Variants in RAB37 observed in about 807,000 individuals in gnomAD.
The protein encoded by RAB37 is RAB37, member RAS oncogene family.
RAB37 carries 29 observed loss-of-function variants against 33.1 expected under a neutral mutation model. That is an observed-to-expected ratio of 0.88 (90% CI 0.65 to 1.20). The LOEUF is 1.20. Ranked by LOEUF, RAB37 falls within the 50% of genes most tolerant of loss-of-function variation. The pLI is 0.00. For missense variants in RAB37, 299 were observed against 301.1 expected, an observed-to-expected ratio of 0.99 and a Z score of 0.05; for synonymous variants, 128 against 119.5, an observed-to-expected ratio of 1.07 and a Z score of -0.47.
chr17:74,741,522 G>A (rs2034615199), intron 2 of RAB37, among the ~76,000 whole-genome samples: 3 of 149,534 alleles, frequency 2.0e-5, no homozygotes. Context: ...GGTGGTGGAG[G>A]TTGCAGTGAG....
intron 1 of RAB37, among the ~76,000 whole-genome samples, chr17:74,711,625 C>A (rs1015815913): frequency 6.6e-6 from 1 of 152,180 alleles, no homozygotes; most frequent in East Asian, 1.9e-4. Flanking sequence ...CGTGCCCAGT[C>A]CAAGCTCATT....
chr17:74,737,153 G>C, upstream of RAB37: 1 of 1,574,024 alleles, frequency 6.4e-7, no homozygotes, highest in Non-Finnish European at 8.6e-7. Context: ...CGACGGGACG[G>C]AGGGAGGAGC....
At chr17:74,703,278 A>G in intron 1 of RAB37, 1 of 650,552 alleles carries the variant, frequency 1.5e-6, no homozygotes, top group Non-Finnish European at 2.6e-6. Context: ...AGCCTGGACC[A>G]CTCATGTCTC....
At chr17:74,736,503 T>A, upstream of RAB37, 1 of 1,415,234 alleles carries the variant, frequency 7.1e-7, no homozygotes, top group Non-Finnish European at 9.2e-7. Flanking sequence ...ATTTGGCTCC[T>A]CCTCGGGGCC....
At chr17:74,741,722 A>G (rs2034623287) in intron 2 of RAB37, among the ~76,000 whole-genome samples, 3 of 152,174 alleles carry the variant, frequency 2.0e-5, no homozygotes, top group South Asian at 4.1e-4. Flanking sequence ...TGAAGTGTTC[A>G]ATAGAGAAAA....
At chr17:74,740,620 C>A (rs570296937) in intron 1 of RAB37, 148 bp from the exon 2 acceptor site, 3 of 677,910 alleles carry the variant, frequency 4.4e-6, no homozygotes, top group Non-Finnish European at 5.3e-6. Context: ...GTGAAGATGG[C>A]GGCTGGCTTT....
chr17:74,687,762 C>T (rs936201166), intron 1 of RAB37, among the ~76,000 whole-genome samples: 5 of 152,142 alleles, frequency 3.3e-5, no homozygotes, highest in South Asian at 2.1e-4. Context: ...ACTACACCAG[C>T]GGAGATGTGA....
At chr17:74,737,413 C>T (rs1157624085) in intron 1 of RAB37, 48 bp downstream of exon 1, 4 of 1,509,342 alleles carry the variant, frequency 2.7e-6, no homozygotes, top group Non-Finnish European at 3.5e-6. Flanking sequence ...GGCGCTAGCC[C>T]CTTCCTGGCT....
chr17:74,719,258 G>C (rs2034207595), intron 1 of RAB37, among the ~76,000 whole-genome samples: 1 of 152,010 alleles, frequency 6.6e-6, no homozygotes, highest in Non-Finnish European at 1.5e-5. Context: ...GACCAGCCTG[G>C]GAAACATGGT....
intron 1 of RAB37, chr17:74,696,186 C>A (rs2032455830): frequency 1.9e-6 from 3 of 1,602,618 alleles, no homozygotes; most frequent in South Asian, 1.1e-5. Context: ...ACCTTGGGGG[C>A]TATCTTACCT....
chr17:74,740,713 A>T, intron 1 of RAB37, 55 bp from the exon 2 acceptor site: 2 of 1,216,618 alleles, frequency 1.6e-6, no homozygotes, highest in South Asian at 1.2e-5. Flanking sequence ...TCTCTCCTGG[A>T]ATCCCAGAAG....
rs1424126880 is a variant in RAB37 at position 74,738,518 on chromosome 17, G to T, written c.93+1153G>T. Among the ~76,000 whole-genome samples the T allele has an allele frequency of 6.6e-6, 1 of 152,192 alleles. No individual in the cohort carries two copies. Among genetic ancestry groups the T allele is most frequent in the Non-Finnish European group, 1.5e-5 (1 of 68,028 alleles). Reference sequence around the variant, plus strand: ...TTTGCCTAGGAGGTGGCCAGGCTAGGCAGCTGTTTGTGTTTGGTGGAATCA... The same window carrying T: ...TTTGCCTAGGAGGTGGCCAGGCTAGTCAGCTGTTTGTGTTTGGTGGAATCA... On this transcript the variant is annotated intron_variant, in intron 1 of 8. Transcript: ENST00000392613. This position sits in a 1 kb window ranked among gnomAD's most constrained non-coding sequence, Gnocchi z 5.0.
chr17:74,741,358 C>T (rs748824157), intron 2 of RAB37, among the ~76,000 whole-genome samples: 1 of 152,002 alleles, frequency 6.6e-6, no homozygotes, highest in East Asian at 1.9e-4. Context: ...GAGGCCGAAG[C>T]GGTCAGATCA....
At chr17:74,710,705 G>GAA (rs1263589772) in intron 1 of RAB37, among the ~76,000 whole-genome samples, 20 of 90,602 alleles carry the variant, frequency 2.2e-4, no homozygotes, top group Admixed American at 5.4e-4. Flanking sequence ...CTAAAAATAC[G>GAA]AAAAAAAAAA....
chr17:74,684,267 T>TC (rs962287749), intron 1 of RAB37, among the ~76,000 whole-genome samples: 2 of 143,436 alleles, frequency 1.4e-5, no homozygotes, highest in African/African-American at 5.1e-5. Flanking sequence ...CCCTGTTAAT[T>TC]TTTTTTTTTT....
At chr17:74,736,777 C>T, upstream of RAB37, 1 of 1,535,622 alleles carries the variant, frequency 6.5e-7, no homozygotes, top group Non-Finnish European at 8.7e-7. Flanking sequence ...TGAGCTCGGG[C>T]CGGGTGACTT....
rs370763258 is a variant in RAB37 at position 74,731,158 on chromosome 17, A to G, written c.183+1792A>G. Among the ~76,000 whole-genome samples, 71 of 152,330 alleles carry G rather than the reference A, an allele frequency of 4.7e-4. 1 individual carries two copies. Among genetic ancestry groups the G allele is most frequent in the African/African-American group, 1.6e-3 (68 of 41,570 alleles). ...GACATCGGGGTCTCCTCCAGATATC[A>G]GCGGTCTGGGGGTCCCCGGAGAGCC... On this transcript the variant is annotated intron_variant, in intron 2 of 7. Transcript: ENST00000340415.
chr17:74,743,378 G>T (rs2034670239), intron 5 of RAB37, 38 bp downstream of exon 5: 4 of 1,607,242 alleles, frequency 2.5e-6, no homozygotes, highest in Non-Finnish European at 3.4e-6. Context: ...CCCATAAGCA[G>T]CCAAGGCAAG....
chr17:74,671,583 T>C lies in RAB37; in HGVS notation c.-4T>C, dbSNP rs758998670. ...GAGCCGGAGCGGCGAGCTCCAAGCC[T>C]GGCATGGACCTGCAGAGACCCGATT... is the stretch of plus-strand genomic sequence containing the variant. On this transcript the variant is annotated 5_prime_UTR_variant, in exon 1 of 8. Coordinates refer to the RAB37 transcript ENST00000340415. This position sits in a 1 kb window ranked among gnomAD's most constrained non-coding sequence, Gnocchi z 5.0. The C allele has an allele frequency of 5.6e-6, 9 of 1,614,064 alleles. No homozygotes were observed. The South Asian group carries it at 9.9e-5, about 18-fold the overall frequency.
Sources: gnomAD v4.1 joint callset for allele counts (sites outside exome capture counted in the v4.1 genomes callset) on GRCh38, gnomAD v4.1.1 for gene constraint, Gnocchi (gnomAD v3.1) non-coding constraint, MANE v1.5 for transcripts, NCBI Gene and HGNC (gene_info 2026-07-23, HGNC 2026-07-21) for gene names.